GRM1: variants seen among roughly 807,000 people sequenced by gnomAD.
GRM1 encodes the protein glutamate metabotropic receptor 1.
GRM1 carries 33 observed loss-of-function variants against 90.9 expected under a neutral mutation model. That is an observed-to-expected ratio of 0.36 (90% confidence interval 0.28 to 0.49). The LOEUF (loss-of-function observed/expected upper bound fraction) is 0.49, where lower values mean the gene tolerates loss of function less well. GRM1 is among the 20% of genes least tolerant of loss of function. GRM1 has a pLI of 0.99. For missense variants in GRM1, 1,190 were observed against 1,534.3 expected (o/e 0.78, Z 3.75); for synonymous variants, 700 against 613.2 (o/e 1.14, Z -2.09).
At chr6:146,239,211 C>G (rs1052482207) in intron 2 of GRM1, among the ~76,000 whole-genome samples, 1 of 152,124 alleles carries the variant, frequency 6.6e-6, no homozygotes, top group Non-Finnish European at 1.5e-5. Context: ...AACCTGAATT[C>G]ACAGCTCAGA....
At chr6:146,255,237 T>C (rs552236285) in intron 2 of GRM1, among the ~76,000 whole-genome samples, 1 of 152,302 alleles carries the variant, frequency 6.6e-6, no homozygotes, top group South Asian at 2.1e-4. Context: ...GCCTAAGATG[T>C]TGAGTTAATT....
intron 2 of GRM1, among the ~76,000 whole-genome samples, chr6:146,188,328 A>G (rs1027591381): frequency 6.6e-6 from 1 of 151,996 alleles, no homozygotes; most frequent in African/African-American, 2.4e-5. Context: ...TTAATGCCCT[A>G]TTTTTTGTAG....
In GRM1 at chr6:146,029,908, C is replaced by A. The variant is rs905964379; in HGVS notation, c.391C>A (p.Arg131=). Residue 131 remains arginine, a synonymous_variant, in exon 1 of 8, where the codon CGA becomes AGA. Transcript: ENST00000282753. ...EFIRDSLISI[R]DEKDGINRCL... ...CATTAGGGACTCTCTGATTTCCATT[C>A]GAGATGAGAAGGATGGGATCAACCG... The A allele has an allele frequency of 5.6e-6, 9 of 1,613,972 alleles. No individual in the cohort carries two copies. Among genetic ancestry groups the A allele is most frequent in the Non-Finnish European group, 7.6e-6 (9 of 1,180,026 alleles).
chr6:146,043,460 G>A (rs111896548), intron 1 of GRM1, among the ~76,000 whole-genome samples: 3 of 151,736 alleles, frequency 2.0e-5, no homozygotes, highest in Non-Finnish European at 4.4e-5. Context: ...TCTATTTTTT[G>A]TTGAAGATAT....
intron 2 of GRM1, among the ~76,000 whole-genome samples, chr6:146,257,814 C>T (rs1275980071): frequency 1.3e-5 from 2 of 151,870 alleles, no homozygotes; most frequent in African/African-American, 4.8e-5. Flanking sequence ...GAGCAATCTG[C>T]CTACTGATTC....
At chr6:146,352,877 A>G (rs1785456833) in intron 4 of GRM1, among the ~76,000 whole-genome samples, 2 of 152,120 alleles carry the variant, frequency 1.3e-5, no homozygotes, top group Non-Finnish European at 1.5e-5. Flanking sequence ...TTGATTGACT[A>G]TATACCATTC....
intron 1 of GRM1, among the ~76,000 whole-genome samples, chr6:146,123,855 T>A (rs1379678034): frequency 6.6e-6 from 1 of 152,190 alleles, no homozygotes; most frequent in African/African-American, 2.4e-5. Context: ...CATGGATTCA[T>A]CCTTATTTTT....
chr6:146,091,640 A>T (rs1776720301), intron 1 of GRM1, among the ~76,000 whole-genome samples: 1 of 152,008 alleles, frequency 6.6e-6, no homozygotes, highest in Admixed American at 6.6e-5. Context: ...TGAGTAAGGA[A>T]ATCATTTTTA....
chr6:146,376,024 T>C (rs1017010431), intron 5 of GRM1, among the ~76,000 whole-genome samples: 2 of 152,150 alleles, frequency 1.3e-5, no homozygotes, highest in Admixed American at 1.3e-4. Context: ...GCTTTTCTTT[T>C]TTGTGTGTGT....
At chr6:146,128,299 A>G (rs1469109225) in intron 1 of GRM1, among the ~76,000 whole-genome samples, 3 of 152,186 alleles carry the variant, frequency 2.0e-5, no homozygotes, top group Non-Finnish European at 4.4e-5. Context: ...AGAAAATGCA[A>G]TCCTGCTGCT....
intron 1 of GRM1, among the ~76,000 whole-genome samples, chr6:146,151,489 G>A (rs532991883): frequency 1.3e-5 from 2 of 152,212 alleles, no homozygotes; most frequent in African/African-American, 4.8e-5. Flanking sequence ...TATTTTAGGA[G>A]TGGAAAAAAA....
intron 1 of GRM1, among the ~76,000 whole-genome samples, chr6:146,063,330 C>T (rs772305820): frequency 6.6e-6 from 1 of 152,086 alleles, no homozygotes; most frequent in Non-Finnish European, 1.5e-5. Flanking sequence ...TGTTTTTAAT[C>T]GAGTCTCATC....
At chr6:146,341,352 G>A (rs1488332451) in intron 3 of GRM1, among the ~76,000 whole-genome samples, 2 of 152,130 alleles carry the variant, frequency 1.3e-5, no homozygotes, top group Non-Finnish European at 2.9e-5. Flanking sequence ...ACAGCGAAGC[G>A]GTAGAGGGAC....
chr6:146,049,556 T>C (rs955416954), intron 1 of GRM1, among the ~76,000 whole-genome samples: 1 of 151,960 alleles, frequency 6.6e-6, no homozygotes, highest in African/African-American at 2.4e-5. Context: ...GTCACATCAC[T>C]GGCTTCCTTG....
At position 146,426,436 on chromosome 6, in the gene GRM1, G is replaced by A. The variant is rs545958745; in HGVS notation, c.2661-7436G>A. The stretch of plus-strand genomic sequence containing the variant: ...GCAGAGCAAGGACCATAGAGCAAAC[G>A]GAGGTGGAGGCAATACAGAGCAAGG... On this transcript the variant is annotated intron_variant, in intron 7 of 7. Coordinates refer to ENST00000282753, the MANE Select transcript of GRM1 (RefSeq NM_001278064.2). 1.6e-4 allele frequency: 132 copies of A among 803,934 alleles called. 1 individual carries two copies. Among genetic ancestry groups the A allele is most frequent in the East Asian group, 5.7e-4 (21 of 37,014 alleles). 49.8% of individuals were successfully genotyped at this position (803,934 alleles called of 1,614,324 possible). A position where few individuals can be genotyped will look rare whatever the true frequency, so the allele number is the denominator to read the frequency against.
intron 2 of GRM1, among the ~76,000 whole-genome samples, chr6:146,205,175 T>C (rs374800895): frequency 1.2e-4 from 19 of 152,180 alleles, no homozygotes; most frequent in African/African-American, 4.6e-4. Context: ...AAAATATCTA[T>C]AATACTCAAA....
At chr6:146,033,076 G>C (rs973364294) in intron 1 of GRM1, among the ~76,000 whole-genome samples, 1 of 152,038 alleles carries the variant, frequency 6.6e-6, no homozygotes, top group Non-Finnish European at 1.5e-5. Flanking sequence ...TACATAAAAT[G>C]AAAGAAAATC....
chr6:146,323,393 G>A (rs934955462), intron 3 of GRM1, among the ~76,000 whole-genome samples: 4 of 152,094 alleles, frequency 2.6e-5, no homozygotes, highest in Admixed American at 6.5e-5. Context: ...GTCTTCTTTT[G>A]AGAAGTGTCT....
chr6:146,086,236 G>T (rs1776541050), intron 1 of GRM1, among the ~76,000 whole-genome samples: 1 of 152,068 alleles, frequency 6.6e-6, no homozygotes, highest in Admixed American at 6.6e-5. Context: ...CTTGACCTAT[G>T]GTGATAGCTA....
Sources: allele counts gnomAD v4.1 joint callset (sites outside exome capture counted in the v4.1 genomes callset), GRCh38; gene constraint gnomAD v4.1.1; transcripts MANE v1.5; gene names NCBI Gene and HGNC (gene_info 2026-07-23, HGNC 2026-07-21).